ITFG1: variants seen among roughly 807,000 people sequenced by gnomAD.
The protein encoded by ITFG1 is integrin alpha FG-GAP repeat containing 1, also known as T-cell immunomodulatory protein.
A neutral mutation model predicts 81.8 loss-of-function variants in ITFG1; 34 were observed. The observed-to-expected ratio is 0.42, with a 90% CI of 0.32 to 0.55. The LOEUF (loss-of-function observed/expected upper bound fraction) is 0.55, where lower values mean the gene tolerates loss of function less well. Among genes scored for constraint, ITFG1 ranks in the 20% least tolerant of loss-of-function variants. The pLI is 0.17. For synonymous variants in ITFG1, 285 were observed against 270.6 expected (o/e 1.05, Z -0.52); for missense variants, 672 against 755.4 (o/e 0.89, Z 1.29).
chr16:47,451,733 T>C (rs1339561556), intron 4 of ITFG1, among the ~76,000 whole-genome samples: 1 of 152,196 alleles, frequency 6.6e-6, no homozygotes, highest in Non-Finnish European at 1.5e-5. Context: ...ATGGACTAGC[T>C]ACAAAGACAG....
intron 17 of ITFG1, among the ~76,000 whole-genome samples, chr16:47,158,058 A>T (rs1964742675): frequency 6.6e-6 from 1 of 152,196 alleles, no homozygotes; most frequent in Non-Finnish European, 1.5e-5. Flanking sequence ...AATCAGTTTA[A>T]TGCAAAGAAT....
At chr16:47,431,689 A>T (rs1969098044) in intron 5 of ITFG1, among the ~76,000 whole-genome samples, 1 of 152,184 alleles carries the variant, frequency 6.6e-6, no homozygotes, top group Non-Finnish European at 1.5e-5. Flanking sequence ...GGATTCTATG[A>T]TAAATTTAAA....
chr16:47,210,550 T>G (rs1468941880), intron 14 of ITFG1, among the ~76,000 whole-genome samples: 3 of 152,196 alleles, frequency 2.0e-5, no homozygotes, highest in South Asian at 2.1e-4. Flanking sequence ...AATATTTCCT[T>G]TAATGGATCT....
intron 13 of ITFG1, among the ~76,000 whole-genome samples, chr16:47,221,453 A>G (rs1379122148): frequency 6.6e-6 from 1 of 152,172 alleles, no homozygotes; most frequent in Non-Finnish European, 1.5e-5. Flanking sequence ...CATGGTGGAT[A>G]AGCTTTTTGA....
At chr16:47,306,195 G>A (rs1353084963) in intron 10 of ITFG1, among the ~76,000 whole-genome samples, 3 of 151,318 alleles carry the variant, frequency 2.0e-5, no homozygotes, top group Non-Finnish European at 1.5e-5. Flanking sequence ...AACTATAAAA[G>A]GAAGAAAATG....
chr16:47,415,969 C>T (rs992428855), intron 6 of ITFG1, among the ~76,000 whole-genome samples: 1 of 152,040 alleles, frequency 6.6e-6, no homozygotes, highest in South Asian at 2.1e-4. Flanking sequence ...TGGTGGGCGC[C>T]TGTAATCCCA....
At chr16:47,392,142 G>A (rs538516299) in intron 6 of ITFG1, among the ~76,000 whole-genome samples, 8 of 152,300 alleles carry the variant, frequency 5.3e-5, no homozygotes, top group African/African-American at 1.2e-4. Flanking sequence ...GGCTGGGTGC[G>A]GTGGCTAATG....
chr16:47,398,989 C>A (rs573817231), intron 6 of ITFG1, among the ~76,000 whole-genome samples: 2 of 152,188 alleles, frequency 1.3e-5, no homozygotes, highest in Non-Finnish European at 2.9e-5. Flanking sequence ...AAGAGTACAT[C>A]CCTCCCTTTA....
intron 8 of ITFG1, among the ~76,000 whole-genome samples, chr16:47,348,966 C>T (rs1486283492): frequency 1.3e-5 from 2 of 152,126 alleles, no homozygotes; most frequent in African/African-American, 4.8e-5. Flanking sequence ...AACTAAGCTT[C>T]ACAAGTGAAG....
chr16:47,193,221 ATTT>A (rs1329375114), intron 14 of ITFG1, among the ~76,000 whole-genome samples: 5 of 145,522 alleles, frequency 3.4e-5, no homozygotes, highest in Middle Eastern at 3.3e-3. Flanking sequence ...TATTAAAAAA[ATTT>A]TTTTTTTTTT....
chr16:47,321,559 G>T (rs182019770), intron 8 of ITFG1, among the ~76,000 whole-genome samples: 29 of 152,250 alleles, frequency 1.9e-4, no homozygotes, highest in Admixed American at 1.7e-3. Context: ...GGGCATGGTG[G>T]TACATGTTAG....
intron 5 of ITFG1, chr16:47,447,959 C>A (rs1382336920): frequency 1.3e-5 from 2 of 152,038 alleles, no homozygotes; most frequent in Admixed American, 6.6e-5. Context: ...TTCCTTTTAA[C>A]AATAGTATTA....
intron 14 of ITFG1, chr16:47,202,542 T>C (rs551670117): frequency 4.4e-4 from 67 of 152,154 alleles, no homozygotes; most frequent in African/African-American, 1.4e-3. Flanking sequence ...ATATTCTACC[T>C]TGTGAATGTG....
At chr16:47,308,256 C>T (rs972255042) in intron 10 of ITFG1, among the ~76,000 whole-genome samples, 3 of 152,206 alleles carry the variant, frequency 2.0e-5, no homozygotes, top group African/African-American at 7.2e-5. Context: ...TAGATTCCCA[C>T]TAACAGTGTA....
intron 6 of ITFG1, among the ~76,000 whole-genome samples, chr16:47,377,894 A>G (rs776891345): frequency 1.3e-4 from 20 of 152,228 alleles, no homozygotes; most frequent in Non-Finnish European, 2.6e-4. Context: ...AACATGCTAT[A>G]TGTATATTGT....
chr16:47,358,742 T>C lies in ITFG1; in HGVS notation c.802+7046A>G, dbSNP rs568646780. Among the ~76,000 whole-genome samples the C allele has an allele frequency of 2.1e-4, 32 of 152,332 alleles. No individual in the cohort carries two copies. The East Asian group carries it at 5.0e-3, about 24-fold the overall frequency. On this transcript the variant is annotated intron_variant, in intron 8 of 17. Coordinates refer to ENST00000320640, the MANE Select transcript of ITFG1 (RefSeq NM_030790.5). ...TTAATACTGAATAGTTAATATCCAA[T>C]TGAATAGAGTATTTTTCATTTAATT... is the stretch of plus-strand genomic sequence containing the variant.
At chr16:47,422,679 G>A (rs552488097) in intron 6 of ITFG1, among the ~76,000 whole-genome samples, 43 of 152,192 alleles carry the variant, frequency 2.8e-4, no homozygotes, top group Non-Finnish European at 4.1e-4. Context: ...GCCTGTTATC[G>A]GTCTATTCAG....
intron 6 of ITFG1, among the ~76,000 whole-genome samples, chr16:47,417,601 T>C (rs1397800074): frequency 6.6e-6 from 1 of 152,222 alleles, no homozygotes; most frequent in Non-Finnish European, 1.5e-5. Context: ...AGATAAACTC[T>C]TTTAGCTCCC....
chr16:47,279,848 T>TAA (rs879588046), intron 10 of ITFG1, among the ~76,000 whole-genome samples: 3 of 152,326 alleles, frequency 2.0e-5, no homozygotes, highest in Non-Finnish European at 2.9e-5. Context: ...ATGTTTCATT[T>TAA]ATACTTAAGT....
Sources: gnomAD v4.1 joint callset for allele counts (sites outside exome capture counted in the v4.1 genomes callset) on GRCh38, gnomAD v4.1.1 for gene constraint, MANE v1.5 for transcripts, NCBI Gene and HGNC (gene_info 2026-07-23, HGNC 2026-07-21) for gene names.